RHBDL3: variants seen among roughly 807,000 people sequenced by gnomAD.
The protein encoded by RHBDL3 is rhomboid-related protein 3.
A neutral mutation model predicts 48.2 loss-of-function variants in RHBDL3; 28 were observed. That is an observed-to-expected ratio of 0.58 (90% CI 0.43 to 0.80). RHBDL3 has a LOEUF of 0.80. RHBDL3 is among the 30% of genes least tolerant of loss of function. RHBDL3 has a pLI of 0.00. For missense variants in RHBDL3, 464 were observed against 542.7 expected (o/e 0.85, Z 1.44); for synonymous variants, 208 against 232.3 (o/e 0.90, Z 0.95).
intron 2 of RHBDL3, among the ~76,000 whole-genome samples, chr17:32,270,132 CAAA>C (rs66986205): frequency 1.0e-4 from 7 of 68,100 alleles, no homozygotes; most frequent in East Asian, 1.2e-3. Flanking sequence ...GACCCTTTCT[CAAA>C]AAAAAAAAAA....
At chr17:32,320,244 G>A (rs922851281) in intron 8 of RHBDL3, among the ~76,000 whole-genome samples, 13 of 152,120 alleles carry the variant, frequency 8.5e-5, no homozygotes, top group African/African-American at 2.2e-4. Flanking sequence ...CTGTACTCCC[G>A]CCTAGAGTGA....
At chr17:32,277,248 T>C (rs529195236) in intron 2 of RHBDL3, among the ~76,000 whole-genome samples, 5 of 152,358 alleles carry the variant, frequency 3.3e-5, no homozygotes, top group African/African-American at 9.6e-5. Flanking sequence ...GAGAGGGTCC[T>C]CCTGGGAGAG....
intron 2 of RHBDL3, among the ~76,000 whole-genome samples, chr17:32,270,173 G>A (rs2039741247): frequency 6.8e-6 from 1 of 146,664 alleles, no homozygotes; most frequent in Non-Finnish European, 1.5e-5. Flanking sequence ...AAGCAACCCT[G>A]ATAGATCAAA....
chr17:32,319,061 C>T (rs1184011359), intron 8 of RHBDL3, among the ~76,000 whole-genome samples: 1 of 151,676 alleles, frequency 6.6e-6, no homozygotes, highest in Admixed American at 6.6e-5. Context: ...GCTTCTGCGT[C>T]TGCTTAGGCT....
At chr17:32,316,147 T>C (rs1424176736) in intron 7 of RHBDL3, 85 bp from the exon 8 acceptor site, 1 of 951,180 alleles carries the variant, frequency 1.1e-6, no homozygotes, top group African/African-American at 1.6e-5. Context: ...GAGATCCTTA[T>C]TTTAATGTCA....
chr17:32,283,051 C>T (rs377383974), intron 2 of RHBDL3, among the ~76,000 whole-genome samples: 3 of 152,140 alleles, frequency 2.0e-5, no homozygotes, highest in Non-Finnish European at 2.9e-5. Flanking sequence ...AAGGCGAAAA[C>T]GTGGGTTTGG....
chr17:32,271,403 G>A (rs2039771383), intron 2 of RHBDL3, among the ~76,000 whole-genome samples: 1 of 152,086 alleles, frequency 6.6e-6, no homozygotes, highest in Non-Finnish European at 1.5e-5. Flanking sequence ...GTCCCCTTTA[G>A]TTATCGCTTT....
In RHBDL3 at chr17:32,323,843, TAGGGTCA is replaced by T. The variant is rs1485368966; in HGVS notation, c.*2615_*2621del. 1 of 152,544 alleles carries T rather than the reference TAGGGTCA, an allele frequency of 6.6e-6. No individual in the cohort carries two copies. Among genetic ancestry groups the T allele is most frequent in the Non-Finnish European group, 1.5e-5 (1 of 68,262 alleles). The allele number at this position is 152,544 out of a possible 1,614,324, so 9.4% of individuals were successfully genotyped here. On this transcript the variant is annotated 3_prime_UTR_variant, in exon 9 of 9. Coordinates refer to ENST00000269051, the MANE Select transcript of RHBDL3 (RefSeq NM_138328.3). ...CAAGCGGGGCCACAGGGTGGGGTCA[TAGGGTCA>T]CTTCACCTGACCCAGGCCTCTCCCC...
At chr17:32,302,255 A>G (rs1198166748) in intron 6 of RHBDL3, among the ~76,000 whole-genome samples, 1 of 152,046 alleles carries the variant, frequency 6.6e-6, no homozygotes, top group Non-Finnish European at 1.5e-5. Flanking sequence ...GGCCTTTATT[A>G]CTGTGTTTAT....
At chr17:32,311,391 C>T (rs984083855) in intron 7 of RHBDL3, among the ~76,000 whole-genome samples, 4 of 152,128 alleles carry the variant, frequency 2.6e-5, no homozygotes, top group Admixed American at 1.3e-4. Context: ...CTAGTTTAAC[C>T]CCTCGGCTGC....
At chr17:32,320,133 C>G (rs547215658) in intron 8 of RHBDL3, among the ~76,000 whole-genome samples, 1 of 151,800 alleles carries the variant, frequency 6.6e-6, no homozygotes, top group South Asian at 2.1e-4. Context: ...TTTAATTACC[C>G]AGATGTGGTG....
chr17:32,281,980 C>T (rs969796728), intron 2 of RHBDL3, among the ~76,000 whole-genome samples: 3 of 152,226 alleles, frequency 2.0e-5, no homozygotes, highest in Admixed American at 2.0e-4. Flanking sequence ...ATCACTTCAC[C>T]TCCCCGTGCT....
At chr17:32,292,460 C>G (rs2040352721) in intron 4 of RHBDL3, among the ~76,000 whole-genome samples, 2 of 152,082 alleles carry the variant, frequency 1.3e-5, no homozygotes, top group Admixed American at 1.3e-4. Context: ...TCACAATAGT[C>G]AAAAGGTAGA....
At chr17:32,303,976 C>CA (rs2040649282) in intron 6 of RHBDL3, among the ~76,000 whole-genome samples, 1 of 152,196 alleles carries the variant, frequency 6.6e-6, no homozygotes, top group African/African-American at 2.4e-5. Flanking sequence ...CACACTCACC[C>CA]AGGCCAGCCA....
At chr17:32,309,543 ACT>A (rs1043751512) in intron 7 of RHBDL3, among the ~76,000 whole-genome samples, 3 of 151,962 alleles carry the variant, frequency 2.0e-5, no homozygotes, top group Non-Finnish European at 4.4e-5. Context: ...CAAGAGCGAA[ACT>A]CTGTCTCAAA....
At chr17:32,320,877 C>T in intron 8 of RHBDL3, 81 bp from the exon 9 acceptor site, 1 of 983,704 alleles carries the variant, frequency 1.0e-6, no homozygotes, top group Non-Finnish European at 1.6e-6. Flanking sequence ...GGAATGAATT[C>T]ATGGGTGGGT....
At chr17:32,287,115 CT>C (rs1440093314) in intron 3 of RHBDL3, among the ~76,000 whole-genome samples, 4 of 152,206 alleles carry the variant, frequency 2.6e-5, no homozygotes, top group Non-Finnish European at 5.9e-5. Context: ...TGTTTTTACA[CT>C]TCTGTCTCCA....
At chr17:32,273,277 C>T (rs149205633) in intron 2 of RHBDL3, among the ~76,000 whole-genome samples, 2 of 152,200 alleles carry the variant, frequency 1.3e-5, no homozygotes, top group Non-Finnish European at 2.9e-5. Context: ...ACTGGGATTA[C>T]AGGCGCGAGC....
intron 7 of RHBDL3, among the ~76,000 whole-genome samples, chr17:32,307,770 T>A (rs2040745737): frequency 6.6e-6 from 1 of 152,016 alleles, no homozygotes; most frequent in Non-Finnish European, 1.5e-5. Flanking sequence ...TTTAAATGGG[T>A]CATTCTGTAT....
Sources: allele counts gnomAD v4.1 joint callset (sites outside exome capture counted in the v4.1 genomes callset), GRCh38; gene constraint gnomAD v4.1.1; transcripts MANE v1.5; gene names NCBI Gene and HGNC (gene_info 2026-07-23, HGNC 2026-07-21).